Variants in MAST4 observed in about 807,000 individuals in gnomAD.
MAST4 encodes the protein microtubule associated serine/threonine kinase family member 4.
In MAST4, 89 loss-of-function variants were observed where a neutral mutation model predicts 162.7. The observed-to-expected ratio is 0.55, with a 90% CI of 0.46 to 0.65. The LOEUF (loss-of-function observed/expected upper bound fraction) is 0.65. Ranked by LOEUF, MAST4 falls within the 30% of genes least tolerant of loss-of-function variation. The pLI, the probability that MAST4 is intolerant of heterozygous loss-of-function variation, is 0.00. For synonymous variants in MAST4, 1,479 were observed against 1,361.1 expected (o/e 1.09, Z -1.91); for missense variants, 3,153 against 3,374.0 (o/e 0.93, Z 1.62).
At chr5:66,656,981 T>C (rs1314482687) in intron 1 of MAST4, among the ~76,000 whole-genome samples, 1 of 152,216 alleles carries the variant, frequency 6.6e-6, no homozygotes, top group Admixed American at 6.5e-5. Context: ...TATGTCTTAC[T>C]TTGCCCAGTA....
chr5:67,005,202 A>G (rs1287973377), intron 4 of MAST4: 1 of 686,748 alleles, frequency 1.5e-6, no homozygotes, highest in Non-Finnish European at 2.7e-6. Flanking sequence ...TGACACTTTG[A>G]AAAGTTTATG....
At chr5:66,846,157 G>C (rs1312960023) in intron 3 of MAST4, among the ~76,000 whole-genome samples, 1 of 152,186 alleles carries the variant, frequency 6.6e-6, no homozygotes, top group Non-Finnish European at 1.5e-5. Flanking sequence ...GAAATCCAGA[G>C]AGTTTGGCCG....
At chr5:66,688,635 G>A (rs1247082955) in intron 1 of MAST4, among the ~76,000 whole-genome samples, 1 of 152,158 alleles carries the variant, frequency 6.6e-6, no homozygotes, top group Non-Finnish European at 1.5e-5. Flanking sequence ...GGTGAGTAGA[G>A]TGCTATCTTT....
chr5:66,668,485 T>C (rs1747407645), intron 1 of MAST4, among the ~76,000 whole-genome samples: 1 of 151,972 alleles, frequency 6.6e-6, no homozygotes, highest in Non-Finnish European at 1.5e-5. Context: ...GAGTCTAGAG[T>C]GGGTTGTGGA....
chr5:66,862,409 C>G (rs1376072543), intron 3 of MAST4, among the ~76,000 whole-genome samples: 1 of 152,098 alleles, frequency 6.6e-6, no homozygotes, highest in East Asian at 1.9e-4. Flanking sequence ...TATAATTGTG[C>G]TGTGTTTTTG....
At chr5:66,604,005 C>G (rs986029428) in intron 1 of MAST4, among the ~76,000 whole-genome samples, 1 of 152,196 alleles carries the variant, frequency 6.6e-6, no homozygotes, top group Non-Finnish European at 1.5e-5. Context: ...CCTTTCTTCA[C>G]CCTTCTCTCA....
chr5:66,741,587 T>C (rs1561298241), intron 1 of MAST4, among the ~76,000 whole-genome samples: 1 of 152,170 alleles, frequency 6.6e-6, no homozygotes, highest in Non-Finnish European at 1.5e-5. Context: ...ATCCCTGGAA[T>C]GTCAATAACA....
rs114018012 is a variant in MAST4, at chr5:66,901,942, A to G, written c.674+1960A>G. ...AGAAAGGGAAAATACTTTTTAAAATAAATGCTAGAGTGATTTTATACAAAT... is the reference window on the plus strand; with the variant it reads ...AGAAAGGGAAAATACTTTTTAAAATGAATGCTAGAGTGATTTTATACAAAT... On this transcript the variant is annotated intron_variant, in intron 4 of 28. Transcript: ENST00000403625. 4.1e-3 allele frequency among the ~76,000 whole-genome samples: 631 copies of G among 152,264 alleles called. 5 individuals carry two copies. Among genetic ancestry groups the G allele is most frequent in the African/African-American group, 0.015 (606 of 41,570 alleles).
At chr5:67,090,306 TC>T in intron 6 of MAST4, 75 bp downstream of exon 6, 1 of 866,336 alleles carries the variant, frequency 1.2e-6, no homozygotes. Context: ...TCCCCACTTC[TC>T]CCCCTCCCCA....
At chr5:66,726,806 G>T (rs1751551290) in intron 1 of MAST4, among the ~76,000 whole-genome samples, 1 of 152,070 alleles carries the variant, frequency 6.6e-6, no homozygotes, top group Non-Finnish European at 1.5e-5. Flanking sequence ...GCATACGAGG[G>T]ATCTAGGTTG....
intron 4 of MAST4, among the ~76,000 whole-genome samples, chr5:66,975,956 C>T (rs1000849211): frequency 2.6e-5 from 4 of 152,094 alleles, no homozygotes; most frequent in African/African-American, 9.7e-5. Context: ...CAAGATTGCA[C>T]CACTGCACTC....
At chr5:66,709,128 T>C (rs1403428815) in intron 1 of MAST4, among the ~76,000 whole-genome samples, 1 of 152,188 alleles carries the variant, frequency 6.6e-6, no homozygotes, top group African/African-American at 2.4e-5. Flanking sequence ...TTTTTCCTTC[T>C]TCTGTTGAAA....
intron 3 of MAST4, among the ~76,000 whole-genome samples, chr5:66,837,051 T>TGTGTGTGTGTGTGTGTGG (rs1219472974): frequency 6.6e-6 from 1 of 151,620 alleles, no homozygotes; most frequent in Non-Finnish European, 1.5e-5. Context: ...TGTGTGTGTG[T>TGTGTGTGTGTGTGTGTGG]GTATGTATAC....
intron 4 of MAST4, among the ~76,000 whole-genome samples, chr5:66,992,317 C>T (rs1219869990): frequency 6.6e-6 from 1 of 152,158 alleles, no homozygotes; most frequent in Non-Finnish European, 1.5e-5. Flanking sequence ...GTGTCTATAT[C>T]AAGAACTGAT....
rs191708515 is a variant in MAST4 at position 66,966,787 on chromosome 5, T to G, written c.674+66805T>G. Among the ~76,000 whole-genome samples, 261 of 152,332 alleles carry G rather than the reference T, an allele frequency of 1.7e-3. 1 individual carries two copies. The highest frequency in any genetic ancestry group is 4.6e-3 in the Admixed American group (70 of 15,302). On this transcript the variant is annotated intron_variant, in intron 4 of 28. Coordinates refer to ENST00000403625, the MANE Select transcript of MAST4 (RefSeq NM_001164664.2). The stretch of plus-strand genomic sequence containing the variant: ...ATCTTTGTTGTAGAAGTTGATGAAA[T>G]AAAGGTGCCCCATAGCAGGTGTTCA...
At chr5:66,986,127 C>T (rs933938275) in intron 4 of MAST4, among the ~76,000 whole-genome samples, 7 of 152,070 alleles carry the variant, frequency 4.6e-5, no homozygotes, top group Non-Finnish European at 7.4e-5. Context: ...TTCCATTTCA[C>T]CAGGATGTAG....
chr5:66,700,888 A>G (rs1197809397), intron 1 of MAST4, among the ~76,000 whole-genome samples: 1 of 151,882 alleles, frequency 6.6e-6, no homozygotes, highest in Non-Finnish European at 1.5e-5. Context: ...TTTTATTTGT[A>G]TAAAATGGAT....
chr5:67,070,909 G>A (rs747745438), intron 5 of MAST4, among the ~76,000 whole-genome samples: 5 of 152,114 alleles, frequency 3.3e-5, no homozygotes, highest in Non-Finnish European at 5.9e-5. Flanking sequence ...CAAAGAAGCC[G>A]CATTTTGTGC....
intron 1 of MAST4, among the ~76,000 whole-genome samples, chr5:66,664,026 A>G (rs1467220504): frequency 2.0e-5 from 3 of 152,190 alleles, no homozygotes; most frequent in Non-Finnish European, 4.4e-5. Context: ...AGATTCGCTG[A>G]TGGACTGGAT....
Sources: gnomAD v4.1 joint callset for allele counts (sites outside exome capture counted in the v4.1 genomes callset) on GRCh38, gnomAD v4.1.1 for gene constraint, MANE v1.5 for transcripts, NCBI Gene and HGNC (gene_info 2026-07-23, HGNC 2026-07-21) for gene names.